IYD: variants seen among roughly 807,000 people sequenced by gnomAD.
IYD encodes iodotyrosine deiodinase 1.
In IYD, 25 loss-of-function variants were observed where a neutral mutation model predicts 28.4. The ratio of observed to expected loss-of-function variants is 0.88; its 90% CI spans 0.64 to 1.23. The LOEUF (loss-of-function observed/expected upper bound fraction) is 1.23, where lower values mean the gene tolerates loss of function less well. IYD is among the 50% of genes most tolerant of loss of function. IYD has a pLI of 0.00. For missense variants in IYD, 352 were observed against 357.9 expected (o/e 0.98, Z 0.13); for synonymous variants, 140 against 130.8 (o/e 1.07, Z -0.48).
intron 1 of IYD, among the ~76,000 whole-genome samples, chr6:150,375,161 G>A (rs1777400997): frequency 6.6e-6 from 1 of 152,170 alleles, no homozygotes; most frequent in Non-Finnish European, 1.5e-5. Flanking sequence ...AATACACTGA[G>A]ACATCAGGTT....
At chr6:150,394,039 T>G (rs1778218370) in intron 3 of IYD, 60 bp from the exon 4 acceptor site, 1 of 1,442,578 alleles carries the variant, frequency 6.9e-7, no homozygotes. Flanking sequence ...GAAGCTAAGG[T>G]AGTAAAAGAG....
intron 4 of IYD, chr6:150,396,873 CAAA>C (rs59328359): frequency 9.8e-4 from 108 of 109,920 alleles, no homozygotes; most frequent in South Asian, 5.1e-3. Flanking sequence ...GACTCCGTCT[CAAA>C]AAAAAAAAAA....
intron 1 of IYD, among the ~76,000 whole-genome samples, chr6:150,383,821 C>CA (rs200426572): frequency 2.6e-5 from 3 of 116,202 alleles, no homozygotes; most frequent in Non-Finnish European, 3.6e-5. Flanking sequence ...AAAACAAAAA[C>CA]AAAAAAAATT....
Position 150,392,689 on chromosome 6 carries a change from C to T in IYD, c.530+185C>T, listed in dbSNP as rs115845984. Among the ~76,000 whole-genome samples, 1,303 of 152,264 alleles carry T rather than the reference C, an allele frequency of 8.6e-3. 26 individuals carry two copies. Among genetic ancestry groups the T allele is most frequent in the African/African-American group, 0.03 (1,265 of 41,534 alleles). ...GCCATGTGAGCGTTTGGTAAATAGG[C>T]TCTGACTCAATTATTTGCTTAGTAA... On this transcript the variant is annotated intron_variant, in intron 3 of 4. Transcript: ENST00000344419.
chr6:150,389,431 G>A lies in IYD; in HGVS notation c.258G>A (p.Met86Ile), dbSNP rs746192448. ...FSHNHYPEKE[M>I]VKRSQEFYEL... ...ATAACCACTATCCTGAGAAGGAAAT[G>A]GTTAAGAGGTCTCAGGAATTTTATG... is the stretch of plus-strand genomic sequence containing the variant. Residue 86 changes from methionine (M) to isoleucine (I), a missense_variant, in exon 2 of 5, where the codon ATG (methionine) becomes ATA (isoleucine). Coordinates refer to ENST00000344419, the MANE Select transcript of IYD (RefSeq NM_203395.3). 2.5e-6 allele frequency: 4 copies of A among 1,613,562 alleles called. No homozygotes were observed. The highest frequency in any genetic ancestry group is 1.1e-5 in the South Asian group (1 of 91,064).
chr6:150,381,606 T>C (rs1024958122), intron 1 of IYD, among the ~76,000 whole-genome samples: 1 of 152,232 alleles, frequency 6.6e-6, no homozygotes, highest in Non-Finnish European at 1.5e-5. Context: ...CATATGTCCT[T>C]CCCCAGTCAC....
At chr6:150,369,972 GT>G (rs1777159399) in intron 1 of IYD, 1 of 702,164 alleles carries the variant, frequency 1.4e-6, no homozygotes, top group Admixed American at 2.0e-5. Context: ...GGGCGGGAAG[GT>G]TATGGCCACC....
At chr6:150,394,045 AAG>A in intron 3 of IYD, 52 bp from the exon 4 acceptor site, 1 of 1,562,690 alleles carries the variant, frequency 6.4e-7, no homozygotes, top group South Asian at 1.1e-5. Flanking sequence ...AAGGTAGTAA[AAG>A]AGAACAAAAA....
At position 150,394,139 on chromosome 6, in the gene IYD, T is replaced by C. The variant is rs1778224751; in HGVS notation, c.571T>C (p.Leu191=). ...IKEYLDTAPI[L]ILIFKQVHGF... is the part of the protein sequence containing the mutation. Reference sequence around the variant, plus strand: ...AGAGTACTTGGATACTGCCCCTATTTTGATTCTCATTTTCAAACAAGTACA... The same window carrying C: ...AGAGTACTTGGATACTGCCCCTATTCTGATTCTCATTTTCAAACAAGTACA... Residue 191 remains leucine, a synonymous_variant, in exon 4 of 5, where the codon TTG becomes CTG. Coordinates refer to ENST00000344419, the MANE Select transcript of IYD (RefSeq NM_203395.3). 8 of 1,614,226 alleles carry C rather than the reference T, an allele frequency of 5.0e-6. No homozygotes were observed. The highest frequency in any genetic ancestry group is 5.9e-6 in the Non-Finnish European group (7 of 1,180,026).
At chr6:150,374,463 G>T (rs903276104) in intron 1 of IYD, among the ~76,000 whole-genome samples, 2 of 152,208 alleles carry the variant, frequency 1.3e-5, no homozygotes, top group African/African-American at 2.4e-5. Context: ...AGATTTAATG[G>T]ACTCACAGTT....
At position 150,401,006 on chromosome 6, in the gene IYD, T is replaced by TGACA. The variant is rs1433397482; in HGVS notation, c.*2770_*2773dup. ...AGTACTGAGAGATGAAGCATCATATTGACAACTTACTCCAGGAAAAAAGGT... is the reference window on the plus strand; with the variant it reads ...AGTACTGAGAGATGAAGCATCATATTGACAGACAACTTACTCCAGGAAAAAAGGT... On this transcript the variant is annotated 3_prime_UTR_variant, in exon 5 of 5. Coordinates refer to ENST00000344419, the MANE Select transcript of IYD (RefSeq NM_203395.3). The TGACA allele has an allele frequency of 4.6e-5, 7 of 152,222 alleles. No homozygotes were observed. The highest frequency in any genetic ancestry group is 3.9e-4 in the Admixed American group (6 of 15,286). The allele number at this position is 152,222 out of a possible 1,614,324, so 9.4% of individuals were successfully genotyped here. A position where few individuals can be genotyped will look rare whatever the true frequency, so the allele number is the denominator to read the frequency against.
At chr6:150,389,792 A>G (rs959476650) in intron 2 of IYD, among the ~76,000 whole-genome samples, 1 of 152,206 alleles carries the variant, frequency 6.6e-6, no homozygotes, top group Admixed American at 6.5e-5. Context: ...TATTCAGTTC[A>G]TGATCTTTTA....
chr6:150,386,451 A>G (rs1777864540), intron 1 of IYD, among the ~76,000 whole-genome samples: 2 of 151,340 alleles, frequency 1.3e-5, no homozygotes, highest in South Asian at 4.1e-4. Flanking sequence ...ATGTGTTGAG[A>G]GTTATTTTCT....
chr6:150,379,532 T>C (rs888419422), intron 1 of IYD, among the ~76,000 whole-genome samples: 1 of 152,232 alleles, frequency 6.6e-6, no homozygotes, highest in African/African-American at 2.4e-5. Context: ...ATTGTCCTCA[T>C]AGGAGTGATT....
intron 1 of IYD, among the ~76,000 whole-genome samples, chr6:150,369,458 T>C (rs1777139879): frequency 6.6e-6 from 1 of 152,170 alleles, no homozygotes; most frequent in Non-Finnish European, 1.5e-5. Flanking sequence ...GAGGCTGAAG[T>C]TTTCCCTGGC....
At chr6:150,369,726 C>G (rs1777150414) in intron 1 of IYD, among the ~76,000 whole-genome samples, 1 of 152,058 alleles carries the variant, frequency 6.6e-6, no homozygotes, top group Non-Finnish European at 1.5e-5. Flanking sequence ...AGAGACAGAC[C>G]CGGTGGAACT....
rs375673212 is a variant in IYD at position 150,396,838 on chromosome 6, C to G, written c.688-1217C>G. 6 of 158,742 alleles carry G rather than the reference C, an allele frequency of 3.8e-5. No homozygotes were observed. In the East Asian group the frequency reaches 1.0e-3, roughly 27 times the overall value. 9.8% of individuals were successfully genotyped at this position (158,742 alleles called of 1,614,324 possible). A position where few individuals can be genotyped will look rare whatever the true frequency, so the allele number is the denominator to read the frequency against. Reference sequence around the variant, plus strand: ...GCAGTGAGCGGAGATCCCGCCACTGCACTCCAGCCTGGGCGACAGAGCGAG... The same window carrying G: ...GCAGTGAGCGGAGATCCCGCCACTGGACTCCAGCCTGGGCGACAGAGCGAG... On this transcript the variant is annotated intron_variant, in intron 4 of 4. Coordinates refer to ENST00000344419, the MANE Select transcript of IYD (RefSeq NM_203395.3).
At position 150,397,911 on chromosome 6, in the gene IYD, T is replaced by C. The variant is rs1048962846; in HGVS notation, c.688-144T>C. ...CAGGGAGGTTCACGATGCCATTACT[T>C]GAGCTGGCAGCCTCTTTGCTGCCCA... On this transcript the variant is annotated intron_variant, in intron 4 of 4. Transcript: ENST00000344419. 5.0e-6 allele frequency: 4 copies of C among 793,126 alleles called. No homozygotes were observed. The African/African-American group carries it at 5.1e-5, about 10-fold the overall frequency. The allele number at this position is 793,126 out of a possible 1,614,324, so 49.1% of individuals were successfully genotyped here.
At chr6:150,372,817 G>A (rs909884628) in intron 1 of IYD, among the ~76,000 whole-genome samples, 2 of 151,802 alleles carry the variant, frequency 1.3e-5, no homozygotes, top group African/African-American at 4.9e-5. Flanking sequence ...ATTAGATGTA[G>A]GGTACAGTCT....
Sources: gnomAD v4.1 joint callset for allele counts (sites outside exome capture counted in the v4.1 genomes callset) on GRCh38, gnomAD v4.1.1 for gene constraint, MANE v1.5 for transcripts, NCBI Gene and HGNC (gene_info 2026-07-23, HGNC 2026-07-21) for gene names.